The following MAGI2 variants were observed in gnomAD, a reference collection of about 807,000 sequenced individuals.
The protein encoded by MAGI2 is membrane associated guanylate kinase, WW and PDZ domain containing 2.
Under a neutral mutation model 133.3 loss-of-function variants are expected in MAGI2, and 35 were observed. The ratio of observed to expected loss-of-function variants is 0.26; its 90% CI spans 0.20 to 0.35. The LOEUF is 0.35. Ranked by LOEUF, MAGI2 falls within the 10% of genes least tolerant of loss-of-function variation. The pLI, the probability that MAGI2 is intolerant of heterozygous loss-of-function variation, is 1.00. For missense variants in MAGI2, 1,636 were observed against 1,863.4 expected, an observed-to-expected ratio of 0.88 and a Z score of 2.25; for synonymous variants, 729 against 710.6, an observed-to-expected ratio of 1.03 and a Z score of -0.41.
At chr7:79,434,516 G>C (rs1389059854) in intron 1 of MAGI2, among the ~76,000 whole-genome samples, 1 of 152,148 alleles carries the variant, frequency 6.6e-6, no homozygotes, top group East Asian at 1.9e-4. Context: ...TGATTTTGGG[G>C]AAAAAAATAC....
chr7:79,125,804 TG>T, intron 1 of MAGI2: 2 of 510,868 alleles, frequency 3.9e-6, no homozygotes, highest in Non-Finnish European at 7.8e-6. Flanking sequence ...GCTATGGCAG[TG>T]GCAGAAGGTT....
rs150870272 is a variant in MAGI2, at chr7:79,038,342, T to A, written c.302-31136A>T. On this transcript the variant is annotated intron_variant, in intron 1 of 21. Coordinates refer to ENST00000354212, the MANE Select transcript of MAGI2 (RefSeq NM_012301.4). ...TTTCTTTCTTTTTAATTCATGTATT[T>A]TTTTATTATGATGAGCTCATGGATT... Among the ~76,000 whole-genome samples the A allele has an allele frequency of 1.2e-3, 190 of 152,294 alleles. 2 individuals are homozygous for A. The highest frequency in any genetic ancestry group is 4.4e-3 in the African/African-American group (183 of 41,584).
rs545364521 is a variant in MAGI2, at chr7:79,041,238, T to C, written c.302-34032A>G. Reference sequence around the variant, plus strand: ...GACTCCTTATATGCACTATGAATTTTTTCTAACATTTATATATTCAAAGAA... The same window carrying C: ...GACTCCTTATATGCACTATGAATTTCTTCTAACATTTATATATTCAAAGAA... On this transcript the variant is annotated intron_variant, in intron 1 of 21. Coordinates refer to ENST00000354212, the MANE Select transcript of MAGI2 (RefSeq NM_012301.4). 1.8e-4 allele frequency among the ~76,000 whole-genome samples: 28 copies of C among 152,310 alleles called. No individual in the cohort carries two copies. In the East Asian group the frequency reaches 5.0e-3, roughly 27 times the overall value.
intron 9 of MAGI2, among the ~76,000 whole-genome samples, chr7:78,267,762 C>T (rs1794160239): frequency 6.6e-6 from 1 of 152,188 alleles, no homozygotes; most frequent in African/African-American, 2.4e-5. Context: ...CCGTGTTAGA[C>T]ACTGCACACA....
At chr7:78,316,587 A>G (rs1409711082) in intron 9 of MAGI2, among the ~76,000 whole-genome samples, 1 of 152,210 alleles carries the variant, frequency 6.6e-6, no homozygotes, top group Non-Finnish European at 1.5e-5. Context: ...TCCACCTATT[A>G]CAAAGTAGAT....
chr7:78,963,925 T>C (rs1803083271), intron 2 of MAGI2, among the ~76,000 whole-genome samples: 1 of 152,060 alleles, frequency 6.6e-6, no homozygotes, highest in African/African-American at 2.4e-5. Flanking sequence ...TTTGCTGCAC[T>C]GTGTTCCACA....
chr7:78,125,030 A>AT (rs890810637), intron 20 of MAGI2, among the ~76,000 whole-genome samples: 3 of 151,662 alleles, frequency 2.0e-5, no homozygotes, highest in Admixed American at 6.6e-5. Flanking sequence ...CGCCTGGCTA[A>AT]TTTTTTTGTA....
At chr7:79,426,593 T>C (rs1847385820) in intron 1 of MAGI2, among the ~76,000 whole-genome samples, 1 of 152,190 alleles carries the variant, frequency 6.6e-6, no homozygotes, top group Non-Finnish European at 1.5e-5. Context: ...TTTGGGTAAG[T>C]TACTACATAT....
At chr7:78,106,877 T>C (rs1818745357) in intron 20 of MAGI2, among the ~76,000 whole-genome samples, 1 of 152,160 alleles carries the variant, frequency 6.6e-6, no homozygotes, top group Admixed American at 6.5e-5. Flanking sequence ...ATCCCATTTG[T>C]CTGTATTTAT....
intron 3 of MAGI2, among the ~76,000 whole-genome samples, chr7:78,573,221 T>TATATAA (rs1379719068): frequency 1.3e-5 from 1 of 75,890 alleles, no homozygotes; most frequent in Non-Finnish European, 2.3e-5. Flanking sequence ...TATATAAATA[T>TATATAA]ATATAAATAT....
intron 1 of MAGI2, among the ~76,000 whole-genome samples, chr7:79,149,664 A>G (rs908926415): frequency 1.3e-5 from 2 of 152,154 alleles, no homozygotes; most frequent in Non-Finnish European, 2.9e-5. Context: ...TACTACTGGC[A>G]AACACATTTC....
chr7:79,351,839 C>T (rs1174700701), intron 1 of MAGI2: 1 of 152,124 alleles, frequency 6.6e-6, no homozygotes, highest in African/African-American at 2.4e-5. Flanking sequence ...TTTAAAGTGC[C>T]AGGCATTGTG....
intron 1 of MAGI2, chr7:79,125,520 T>C: frequency 5.8e-6 from 3 of 514,094 alleles, no homozygotes; most frequent in Non-Finnish European, 1.2e-5. Context: ...GACAGGGTTA[T>C]AGAAACCAGG....
chr7:79,041,682 A>G lies in MAGI2; in HGVS notation c.302-34476T>C, dbSNP rs12667054. On this transcript the variant is annotated intron_variant, in intron 1 of 21. Transcript: ENST00000354212. ...AACAAAAACAAATAGATAAATGAAT[A>G]TAAGAGTCTAGAAATAGGCTGACAC... 9.1e-4 allele frequency among the ~76,000 whole-genome samples: 139 copies of G among 152,300 alleles called. 1 individual carries two copies. The highest frequency in any genetic ancestry group is 2.8e-3 in the African/African-American group (118 of 41,578).
chr7:79,127,850 T>C lies in MAGI2; in HGVS notation c.302-120644A>G, dbSNP rs190630341. 9.2e-5 allele frequency among the ~76,000 whole-genome samples: 14 copies of C among 152,328 alleles called. No homozygotes were observed. In the East Asian group the frequency reaches 2.5e-3, roughly 27 times the overall value. ...TGGCTTGTGTTGCCATTGCTTTTGG[T>C]GTTTTAGACACGAAGTCCTTGCCCA... On this transcript the variant is annotated intron_variant, in intron 1 of 21. Coordinates refer to ENST00000354212, the MANE Select transcript of MAGI2 (RefSeq NM_012301.4).
intron 1 of MAGI2, among the ~76,000 whole-genome samples, chr7:79,187,809 C>T (rs1342032919): frequency 6.6e-6 from 1 of 151,598 alleles, no homozygotes; most frequent in Non-Finnish European, 1.5e-5. Flanking sequence ...TTTACTTATT[C>T]CTAAGAAGGA....
At chr7:78,681,440 A>G (rs758916004) in intron 2 of MAGI2, among the ~76,000 whole-genome samples, 9 of 152,304 alleles carry the variant, frequency 5.9e-5, no homozygotes, top group Non-Finnish European at 1.3e-4. Flanking sequence ...ATTTTTATAT[A>G]TTACACAACC....
At chr7:78,027,223 GTCA>G (rs1809015944) in intron 21 of MAGI2, among the ~76,000 whole-genome samples, 3 of 152,194 alleles carry the variant, frequency 2.0e-5, no homozygotes, top group Non-Finnish European at 4.4e-5. Flanking sequence ...TAAAGTGATT[GTCA>G]GAAGCAGGTC....
chr7:78,704,075 G>A (rs1040843268), intron 2 of MAGI2, among the ~76,000 whole-genome samples: 1 of 151,974 alleles, frequency 6.6e-6, no homozygotes, highest in African/African-American at 2.4e-5. Context: ...TGACAAATAG[G>A]ACCTAATTAA....
Sources: allele counts gnomAD v4.1 joint callset (sites outside exome capture counted in the v4.1 genomes callset), GRCh38; gene constraint gnomAD v4.1.1; transcripts MANE v1.5; gene names NCBI Gene and HGNC (gene_info 2026-07-23, HGNC 2026-07-21).